ATXN7L1: variants seen among roughly 807,000 people sequenced by gnomAD.
ATXN7L1 encodes ataxin-7-like protein 1.
In ATXN7L1, 15 loss-of-function variants were observed where a neutral mutation model predicts 70.8. The ratio of observed to expected loss-of-function variants is 0.21; its 90% CI spans 0.14 to 0.33. The LOEUF (loss-of-function observed/expected upper bound fraction) is 0.33. ATXN7L1 is among the 10% of genes least tolerant of loss of function. The pLI is 1.00. For synonymous variants in ATXN7L1, 440 were observed against 445.1 expected (o/e 0.99, Z 0.14); for missense variants, 975 against 1,097.1 (o/e 0.89, Z 1.57).
intron 3 of ATXN7L1, among the ~76,000 whole-genome samples, chr7:105,734,846 C>T (rs1797208282): frequency 8.8e-6 from 1 of 113,410 alleles, no homozygotes. Flanking sequence ...AAATATGGGA[C>T]AAAGCAAGAA....
At position 105,610,606 on chromosome 7, in the gene ATXN7L1, G is replaced by C; in HGVS notation, c.2473-3C>G. On this transcript the variant is annotated splice_region_variant and splice_polypyrimidine_tract_variant and intron_variant, in intron 10 of 11. Coordinates refer to ENST00000419735, the MANE Select transcript of ATXN7L1 (RefSeq NM_020725.2). ...GCTAGGCTGCTATTTTTCCCAACCT[G>C]AAAGACACCATTGAAGCCCCACTCA... The C allele has an allele frequency of 6.4e-7, 1 of 1,551,274 alleles. No homozygotes were observed. Among genetic ancestry groups the C allele is most frequent in the Non-Finnish European group, 8.7e-7 (1 of 1,146,876 alleles).
intron 3 of ATXN7L1, among the ~76,000 whole-genome samples, chr7:105,682,356 C>T (rs543972631): frequency 1.4e-3 from 214 of 152,274 alleles, no homozygotes; most frequent in Non-Finnish European, 2.4e-3. Context: ...AAGCATATTT[C>T]ACCAAAATTA....
At chr7:105,825,307 A>G (rs2116574287) in intron 2 of ATXN7L1, among the ~76,000 whole-genome samples, 1 of 152,318 alleles carries the variant, frequency 6.6e-6, no homozygotes, top group South Asian at 2.1e-4. Flanking sequence ...GCTTCCAGTC[A>G]GTGGACTTCC....
At chr7:105,731,966 G>T (rs183611262) in intron 3 of ATXN7L1, among the ~76,000 whole-genome samples, 4 of 151,882 alleles carry the variant, frequency 2.6e-5, no homozygotes, top group African/African-American at 9.7e-5. Flanking sequence ...GGTAGCGGGC[G>T]CCTGTAATCC....
chr7:105,630,461 A>T (rs577222471), intron 7 of ATXN7L1, among the ~76,000 whole-genome samples: 83 of 152,266 alleles, frequency 5.5e-4, no homozygotes, highest in East Asian at 4.2e-3. Flanking sequence ...GAAATTTTTT[A>T]AAAAATATTT....
Position 105,608,233 on chromosome 7 carries a change from A to G in ATXN7L1, c.2548-343T>C, listed in dbSNP as rs1345894081. On this transcript the variant is annotated intron_variant, in intron 11 of 11. Transcript: ENST00000419735. The stretch of plus-strand genomic sequence containing the variant: ...GTTCTCCATTAGTTCACCTTTTCCT[A>G]CCTAACCTATAGATGACACTGCAAA... Among the ~76,000 whole-genome samples, 109 of 152,104 alleles carry G rather than the reference A, an allele frequency of 7.2e-4. 1 individual carries two copies. Among genetic ancestry groups the G allele is most frequent in the Admixed American group, 7.1e-3 (109 of 15,280 alleles).
chr7:105,866,427 T>G (rs1224165205), intron 2 of ATXN7L1, among the ~76,000 whole-genome samples: 1 of 152,118 alleles, frequency 6.6e-6, no homozygotes, highest in Non-Finnish European at 1.5e-5. Context: ...ATAAAGTGTC[T>G]CCATAAAAAC....
At chr7:105,699,775 T>C (rs998375669) in intron 3 of ATXN7L1, among the ~76,000 whole-genome samples, 2 of 152,154 alleles carry the variant, frequency 1.3e-5, no homozygotes, top group Non-Finnish European at 2.9e-5. Flanking sequence ...GTGCCTATGG[T>C]TTGCAAACAC....
chr7:105,652,406 G>C (rs938771242), intron 4 of ATXN7L1, among the ~76,000 whole-genome samples: 7 of 152,206 alleles, frequency 4.6e-5, no homozygotes, highest in Non-Finnish European at 8.8e-5. Context: ...GTAGAGATTA[G>C]GAGGCAATTT....
chr7:105,703,464 G>A (rs1792743282), intron 3 of ATXN7L1, among the ~76,000 whole-genome samples: 1 of 152,108 alleles, frequency 6.6e-6, no homozygotes, highest in African/African-American at 2.4e-5. Flanking sequence ...TTCCAAATGT[G>A]GCCAGTTTAA....
chr7:105,761,050 T>C (rs1307722631), intron 3 of ATXN7L1: 1 of 559,126 alleles, frequency 1.8e-6, no homozygotes, highest in Non-Finnish European at 2.3e-6. Context: ...GACTTCTGCG[T>C]GCAGAATGAA....
chr7:105,853,924 A>G (rs1815287461), intron 2 of ATXN7L1, among the ~76,000 whole-genome samples: 1 of 152,200 alleles, frequency 6.6e-6, no homozygotes, highest in Admixed American at 6.5e-5. Flanking sequence ...TTGATGCACC[A>G]GGAGCAGCAC....
At chr7:105,852,327 T>C (rs1585153857) in intron 2 of ATXN7L1, among the ~76,000 whole-genome samples, 2 of 152,312 alleles carry the variant, frequency 1.3e-5, no homozygotes, top group South Asian at 4.1e-4. Context: ...CCCAGGAATC[T>C]TGACCCAGTT....
intron 3 of ATXN7L1, chr7:105,760,567 T>C (rs1350597107): frequency 1.0e-6 from 1 of 985,556 alleles, no homozygotes; most frequent in Non-Finnish European, 1.2e-6. Context: ...ACTGAGACTA[T>C]GTTAGGCTCT....
At chr7:105,689,432 C>G (rs778735826) in intron 3 of ATXN7L1, among the ~76,000 whole-genome samples, 2 of 152,164 alleles carry the variant, frequency 1.3e-5, no homozygotes, top group African/African-American at 2.4e-5. Context: ...AATGCAAAAG[C>G]CTTTCAGTAT....
chr7:105,790,568 GAGACCCTGTCTC>G (rs1422922148), intron 2 of ATXN7L1, among the ~76,000 whole-genome samples: 4 of 151,966 alleles, frequency 2.6e-5, no homozygotes, highest in African/African-American at 7.3e-5. Context: ...GCAACAGAGT[GAGACCCTGTCTC>G]AGAAAGAAAA....
chr7:105,651,972 T>C (rs187795286), intron 4 of ATXN7L1, among the ~76,000 whole-genome samples: 7 of 152,302 alleles, frequency 4.6e-5, no homozygotes, highest in Non-Finnish European at 7.4e-5. Context: ...GTCTCTCTTG[T>C]ACTTCTGTTA....
At chr7:105,613,668 C>T in intron 10 of ATXN7L1, 194 bp downstream of exon 10, 2 of 1,450,352 alleles carry the variant, frequency 1.4e-6, no homozygotes, top group Non-Finnish European at 1.8e-6. Flanking sequence ...CAGTGTCTAG[C>T]ACATAGTGAG....
At chr7:105,800,996 C>T (rs1383511360) in intron 2 of ATXN7L1, among the ~76,000 whole-genome samples, 1 of 152,196 alleles carries the variant, frequency 6.6e-6, no homozygotes, top group Non-Finnish European at 1.5e-5. Context: ...ATCGCCTGAA[C>T]TTGAATTCTA....
Sources: gnomAD v4.1 joint callset for allele counts (sites outside exome capture counted in the v4.1 genomes callset) on GRCh38, gnomAD v4.1.1 for gene constraint, MANE v1.5 for transcripts, NCBI Gene and HGNC (gene_info 2026-07-23, HGNC 2026-07-21) for gene names.